Variants in KCTD8 observed in about 807,000 individuals in gnomAD.
KCTD8 encodes potassium channel tetramerization domain containing 8.
In KCTD8, 27 loss-of-function variants were observed where a neutral mutation model predicts 31.5. The observed-to-expected ratio is 0.86, with a 90% CI of 0.63 to 1.18. The LOEUF is 1.18. KCTD8 is among the 50% of genes most tolerant of loss of function. The pLI, the probability that KCTD8 is intolerant of heterozygous loss-of-function variation, is 0.00. For synonymous variants in KCTD8, 290 were observed against 280.0 expected, an observed-to-expected ratio of 1.04 and a Z score of -0.36; for missense variants, 658 against 647.7, an observed-to-expected ratio of 1.02 and a Z score of -0.17.
At chr4:44,365,276 A>G (rs1162161600) in intron 1 of KCTD8, among the ~76,000 whole-genome samples, 1 of 152,138 alleles carries the variant, frequency 6.6e-6, no homozygotes. Context: ...AAAATTGTGA[A>G]CGGTTTTATC....
intron 1 of KCTD8, among the ~76,000 whole-genome samples, chr4:44,236,886 C>T (rs944504941): frequency 1.2e-4 from 18 of 152,116 alleles, no homozygotes; most frequent in South Asian, 2.1e-4. Context: ...GTAAGTCTCA[C>T]GAGATCTGAT....
chr4:44,200,096 T>C (rs1714092820), intron 1 of KCTD8, among the ~76,000 whole-genome samples: 1 of 151,486 alleles, frequency 6.6e-6, no homozygotes, highest in African/African-American at 2.4e-5. Context: ...GCTCCCAAGA[T>C]TGAAACAGGA....
intron 1 of KCTD8, among the ~76,000 whole-genome samples, chr4:44,410,676 T>C (rs1720931749): frequency 6.6e-6 from 1 of 152,100 alleles, no homozygotes; most frequent in African/African-American, 2.4e-5. Flanking sequence ...TCATGTCTTA[T>C]GTGGATGATG....
At chr4:44,353,626 C>T (rs1371607463) in intron 1 of KCTD8, among the ~76,000 whole-genome samples, 1 of 151,988 alleles carries the variant, frequency 6.6e-6, no homozygotes, top group Admixed American at 6.6e-5. Flanking sequence ...CTTCTCATTA[C>T]CCTTCCCAGC....
At chr4:44,246,281 T>A (rs1715661806) in intron 1 of KCTD8, among the ~76,000 whole-genome samples, 1 of 152,054 alleles carries the variant, frequency 6.6e-6, no homozygotes, top group Admixed American at 6.6e-5. Flanking sequence ...ATTGAAGTCA[T>A]TAGGTTTGAA....
intron 1 of KCTD8, among the ~76,000 whole-genome samples, chr4:44,427,853 T>C (rs1721385381): frequency 1.3e-5 from 2 of 151,578 alleles, no homozygotes; most frequent in African/African-American, 4.8e-5. Context: ...ATAGAAAAAA[T>C]AAAATAACAC....
chr4:44,222,150 A>T (rs1714826258), intron 1 of KCTD8, among the ~76,000 whole-genome samples: 1 of 152,212 alleles, frequency 6.6e-6, no homozygotes, highest in Admixed American at 6.5e-5. Context: ...AGAGAAGCAG[A>T]ATTGCTGTGA....
At chr4:44,364,559 A>G (rs1719582323) in intron 1 of KCTD8, among the ~76,000 whole-genome samples, 1 of 152,148 alleles carries the variant, frequency 6.6e-6, no homozygotes, top group Non-Finnish European at 1.5e-5. Flanking sequence ...TATGATCCAG[A>G]AACTGTACTT....
At chr4:44,358,816 G>A (rs148405972) in intron 1 of KCTD8, among the ~76,000 whole-genome samples, 9 of 151,948 alleles carry the variant, frequency 5.9e-5, no homozygotes, top group African/African-American at 1.2e-4. Flanking sequence ...TGATCCACCC[G>A]CCTCGGCCTC....
intron 1 of KCTD8, among the ~76,000 whole-genome samples, chr4:44,299,726 CA>C (rs1362144246): frequency 9.8e-4 from 118 of 121,022 alleles, no homozygotes; most frequent in Middle Eastern, 4.5e-3. Context: ...GACTCCGTCT[CA>C]AAAAAAAAAA....
chr4:44,268,571 G>T (rs924651107), intron 1 of KCTD8, among the ~76,000 whole-genome samples: 1 of 151,934 alleles, frequency 6.6e-6, no homozygotes, highest in African/African-American at 2.4e-5. Flanking sequence ...AGGAAATAAA[G>T]GGTATTCAAT....
At chr4:44,213,808 G>A (rs1164313515) in intron 1 of KCTD8, among the ~76,000 whole-genome samples, 1 of 152,124 alleles carries the variant, frequency 6.6e-6, no homozygotes, top group Non-Finnish European at 1.5e-5. Flanking sequence ...GACTAGAGAA[G>A]ATGTGAATAT....
At chr4:44,403,870 T>C (rs1317043558) in intron 1 of KCTD8, among the ~76,000 whole-genome samples, 2 of 152,054 alleles carry the variant, frequency 1.3e-5, no homozygotes, top group Non-Finnish European at 2.9e-5. Flanking sequence ...AGATGATTAA[T>C]ATTTTTTAAA....
rs148524946 is a variant in KCTD8, at chr4:44,193,662, G to T, written c.962-18412C>A. Reference sequence around the variant, plus strand: ...TTTTAACAAAAAAAAAAAAATTAAAGGCTACACATATGAAAATGTAGACAT... The same window carrying T: ...TTTTAACAAAAAAAAAAAAATTAAATGCTACACATATGAAAATGTAGACAT... On this transcript the variant is annotated intron_variant, in intron 1 of 1. Transcript: ENST00000360029. 5.2e-4 allele frequency among the ~76,000 whole-genome samples: 79 copies of T among 151,660 alleles called. 2 individuals are homozygous for T. The highest frequency in any genetic ancestry group is 1.9e-3 in the African/African-American group (77 of 41,382).
chr4:44,315,996 C>T (rs1718097503), intron 1 of KCTD8, among the ~76,000 whole-genome samples: 2 of 152,138 alleles, frequency 1.3e-5, no homozygotes, highest in African/African-American at 2.4e-5. Flanking sequence ...CCCATGTATA[C>T]AGTACATCAG....
chr4:44,256,345 CAT>C (rs1715991544), intron 1 of KCTD8, among the ~76,000 whole-genome samples: 1 of 151,596 alleles, frequency 6.6e-6, no homozygotes, highest in African/African-American at 2.4e-5. Flanking sequence ...TCAATTCATG[CAT>C]ATGACAAAGA....
intron 1 of KCTD8, among the ~76,000 whole-genome samples, chr4:44,316,676 C>T (rs997180903): frequency 2.7e-5 from 4 of 150,742 alleles, no homozygotes; most frequent in Admixed American, 6.6e-5. Flanking sequence ...TCAGGCCGGG[C>T]GTGGTGGCTC....
chr4:44,272,121 T>TTATATATATATATATATATATATATATA lies in KCTD8; in HGVS notation c.962-96872_962-96871insTATATATATATATATATATATATATATA, dbSNP rs34459205. Among the ~76,000 whole-genome samples the TTATATATATATATATATATATATATATA allele has an allele frequency of 6.5e-4, 93 of 142,478 alleles. 3 individuals are homozygous for TTATATATATATATATATATATATATATA. Among genetic ancestry groups the TTATATATATATATATATATATATATATA allele is most frequent in the African/African-American group, 2.4e-3 (89 of 36,554 alleles). The allele number at this position is 142,478 out of a possible 152,430, so 93.5% of individuals were successfully genotyped here. A position where few individuals can be genotyped will look rare whatever the true frequency, so the allele number is the denominator to read the frequency against. ...ATCAATAAATACCCATGGTATTATATTATATATATATATATATATAAATGC... is the reference window on the plus strand; with the variant it reads ...ATCAATAAATACCCATGGTATTATATTATATATATATATATATATATATATATATATATATATATATATATATAAATGC... On this transcript the variant is annotated intron_variant, in intron 1 of 1. Transcript: ENST00000360029.
intron 1 of KCTD8, among the ~76,000 whole-genome samples, chr4:44,213,144 G>A: frequency 6.6e-6 from 1 of 152,126 alleles, no homozygotes; most frequent in South Asian, 2.1e-4. Flanking sequence ...CACCATCTTA[G>A]CCAGGATGGT....
Sources: gnomAD v4.1 joint callset for allele counts (sites outside exome capture counted in the v4.1 genomes callset) on GRCh38, gnomAD v4.1.1 for gene constraint, MANE v1.5 for transcripts, NCBI Gene and HGNC (gene_info 2026-07-23, HGNC 2026-07-21) for gene names.